Variants in DNAAF5 observed in about 807,000 individuals in gnomAD.
DNAAF5 encodes the protein dynein axonemal assembly factor 5, also known as HEAT repeat containing 2.
DNAAF5 carries 64 observed loss-of-function variants against 75.8 expected under a neutral mutation model. The observed-to-expected ratio is 0.84, with a 90% CI of 0.69 to 1.04. The LOEUF is 1.04. Among genes scored for constraint, DNAAF5 ranks in the 50% least tolerant of loss-of-function variants. DNAAF5 has a pLI of 0.00. For missense variants in DNAAF5, 1,269 were observed against 1,178.5 expected (o/e 1.08, Z -1.12); for synonymous variants, 657 against 557.2 (o/e 1.18, Z -2.52).
chr7:730,159 C>A (rs1254328181), intron 2 of DNAAF5, among the ~76,000 whole-genome samples: 1 of 152,186 alleles, frequency 6.6e-6, no homozygotes, highest in Non-Finnish European at 1.5e-5. Flanking sequence ...CATCAAGACG[C>A]ACTTTCCCGA....
chr7:748,284 G>A lies in DNAAF5; in HGVS notation c.1025-6305G>A, dbSNP rs111643202. Among the ~76,000 whole-genome samples the A allele has an allele frequency of 5.8e-5, 8 of 138,000 alleles. No homozygotes were observed. The East Asian group carries it at 1.1e-3, about 19-fold the overall frequency. 90.5% of individuals were successfully genotyped at this position (138,000 alleles called of 152,430 possible). The stretch of plus-strand genomic sequence containing the variant: ...CGGCTGGTGTGCAGTGGTGGCCCAC[G>A]GTGTTGGTGGGGTTTGCTGGTTTCA... On this transcript the variant is annotated intron_variant, in intron 4 of 12. Transcript: ENST00000297440.
intron 5 of DNAAF5, among the ~76,000 whole-genome samples, chr7:755,462 G>C (rs1782452545): frequency 1.3e-5 from 2 of 152,214 alleles, no homozygotes. Context: ...TAGTGCTCAG[G>C]AGAACAACTA....
chr7:769,722 A>G (rs1313540846), intron 8 of DNAAF5, among the ~76,000 whole-genome samples: 1 of 152,190 alleles, frequency 6.6e-6, no homozygotes, highest in Non-Finnish European at 1.5e-5. Context: ...CAATAGTGCG[A>G]TCTCAGCTCA....
chr7:758,441 C>T (rs915562800), intron 6 of DNAAF5, among the ~76,000 whole-genome samples: 3 of 152,240 alleles, frequency 2.0e-5, no homozygotes, highest in Non-Finnish European at 4.4e-5. Context: ...CAAACAGAGA[C>T]GTCTTTCTGA....
At chr7:782,287 A>G (rs1778983863) in intron 12 of DNAAF5, among the ~76,000 whole-genome samples, 1 of 148,644 alleles carries the variant, frequency 6.7e-6, no homozygotes, top group Non-Finnish European at 1.5e-5. Flanking sequence ...GCGGCATCAG[A>G]AACTCGGATC....
chr7:761,073 C>A (rs2128080122), intron 6 of DNAAF5, among the ~76,000 whole-genome samples: 1 of 152,358 alleles, frequency 6.6e-6, no homozygotes, highest in Admixed American at 6.5e-5. Flanking sequence ...AGTGCGCCGT[C>A]ATTTCCCTCA....
At chr7:747,240 C>G (rs1393422216) in intron 4 of DNAAF5, among the ~76,000 whole-genome samples, 1 of 152,276 alleles carries the variant, frequency 6.6e-6, no homozygotes, top group Non-Finnish European at 1.5e-5. Flanking sequence ...CCCACGGGCA[C>G]TGGATGAGAT....
intron 2 of DNAAF5, among the ~76,000 whole-genome samples, chr7:733,116 T>G (rs1781635234): frequency 6.6e-6 from 1 of 152,242 alleles, no homozygotes; most frequent in South Asian, 2.1e-4. Flanking sequence ...TTCTGGCTTC[T>G]CTATTCTGTT....
rs1779151479 is a variant in DNAAF5 at position 786,425 on chromosome 7, T to C, written c.*772T>C. On this transcript the variant is annotated 3_prime_UTR_variant, in exon 13 of 13. Transcript: ENST00000297440. ...GCCGTATATATTTTTCAACAAATAT[T>C]AACGTTTATACTTTCATGTTTGAAA... 1 of 152,246 alleles carries C rather than the reference T, an allele frequency of 6.6e-6. No individual in the cohort carries two copies. Among genetic ancestry groups the C allele is most frequent in the Non-Finnish European group, 1.5e-5 (1 of 68,058 alleles). The allele number at this position is 152,246 out of a possible 1,614,324, so 9.4% of individuals were successfully genotyped here.
intron 4 of DNAAF5, among the ~76,000 whole-genome samples, chr7:752,494 GTGA>G (rs1782334299): frequency 8.5e-5 from 4 of 46,990 alleles, no homozygotes; most frequent in African/African-American, 1.3e-4. Flanking sequence ...AGACCACAGA[GTGA>G]TGACGAAGCC....
At chr7:742,748 G>A (rs1781949686) in intron 4 of DNAAF5, among the ~76,000 whole-genome samples, 1 of 135,064 alleles carries the variant, frequency 7.4e-6, no homozygotes. Context: ...CAGATGCCCA[G>A]CCCAAATCAG....
At chr7:730,244 C>T (rs371273457) in intron 2 of DNAAF5, among the ~76,000 whole-genome samples, 1 of 152,104 alleles carries the variant, frequency 6.6e-6, no homozygotes, top group East Asian at 1.9e-4. Flanking sequence ...ATAATTATGT[C>T]GTTGGGCTTT....
chr7:730,310 A>G (rs946266086), intron 2 of DNAAF5, among the ~76,000 whole-genome samples: 1 of 151,678 alleles, frequency 6.6e-6, no homozygotes, highest in Non-Finnish European at 1.5e-5. Context: ...GATGGGGCTG[A>G]GTGTTGGCTT....
intron 12 of DNAAF5, among the ~76,000 whole-genome samples, chr7:783,779 T>G (rs1476815232): frequency 6.6e-6 from 1 of 151,918 alleles, no homozygotes; most frequent in Non-Finnish European, 1.5e-5. Flanking sequence ...TCTCCTGTCC[T>G]GCACTACACA....
At chr7:756,681 C>G (rs1007727743) in intron 5 of DNAAF5, 101 bp from the exon 6 acceptor site, 25 of 1,029,832 alleles carry the variant, frequency 2.4e-5, no homozygotes, top group South Asian at 5.5e-5. Context: ...GGGGCTCTGT[C>G]TGGTGCACGG....
intron 12 of DNAAF5, among the ~76,000 whole-genome samples, chr7:785,057 C>G (rs550853507): frequency 6.6e-6 from 1 of 152,174 alleles, no homozygotes; most frequent in East Asian, 1.9e-4. Context: ...TTACTTATAT[C>G]CACGTTATGA....
Position 780,013 on chromosome 7 carries a change from T to C in DNAAF5, c.2300T>C (p.Leu767Ser). The change falls in exon 12 of 13, where the codon TTG becomes TCG. Residue 767 changes from leucine to serine, a missense_variant. By Grantham distance (145) the Leu-to-Ser change is moderately radical. Coordinates refer to ENST00000297440, the MANE Select transcript of DNAAF5 (RefSeq NM_017802.4). ...GTGAGGATGGCAGCCGCCTCCACCT[T>C]GGTCACCTGGCTGCAGTGTGTCAAG... ...NDVRMAAAST[L>S]VTWLQCVKGA... The C allele has an allele frequency of 6.2e-7, 1 of 1,614,236 alleles. No homozygotes were observed. Among genetic ancestry groups the C allele is most frequent in the Non-Finnish European group, 8.5e-7 (1 of 1,180,026 alleles).
At chr7:784,216 C>G (rs187289067) in intron 12 of DNAAF5, among the ~76,000 whole-genome samples, 15 of 152,198 alleles carry the variant, frequency 9.9e-5, no homozygotes, top group African/African-American at 3.4e-4. Flanking sequence ...CGTGCTCAGT[C>G]TCTTGGTCTT....
chr7:780,838 T>C (rs527533471), intron 12 of DNAAF5, among the ~76,000 whole-genome samples: 2 of 151,940 alleles, frequency 1.3e-5, no homozygotes, highest in Non-Finnish European at 2.9e-5. Context: ...TTTTTTTTTT[T>C]TTGTTTTGTT....
Sources: gnomAD v4.1 joint callset for allele counts (sites outside exome capture counted in the v4.1 genomes callset) on GRCh38, gnomAD v4.1.1 for gene constraint, MANE v1.5 for transcripts, NCBI Gene and HGNC (gene_info 2026-07-23, HGNC 2026-07-21) for gene names.